ROBO2: variants seen among roughly 807,000 people sequenced by gnomAD.
ROBO2 encodes the protein roundabout guidance receptor 2.
ROBO2 carries 53 observed loss-of-function variants against 160.8 expected under a neutral mutation model. The observed-to-expected ratio is 0.33, with a 90% CI of 0.26 to 0.41. The LOEUF is 0.41. Among genes scored for constraint, ROBO2 ranks in the 10% least tolerant of loss-of-function variants. The pLI is 1.00. For missense variants in ROBO2, 1,577 were observed against 1,722.4 expected, an observed-to-expected ratio of 0.92 and a Z score of 1.49; for synonymous variants, 664 against 611.7, an observed-to-expected ratio of 1.09 and a Z score of -1.26.
intron 2 of ROBO2, among the ~76,000 whole-genome samples, chr3:77,427,512 G>A (rs943785606): frequency 6.6e-6 from 1 of 152,168 alleles, no homozygotes; most frequent in South Asian, 2.1e-4. Flanking sequence ...TATCGTAATT[G>A]TTATTTGTTG....
intron 2 of ROBO2, among the ~76,000 whole-genome samples, chr3:75,953,093 G>C (rs1214507732): frequency 6.6e-6 from 1 of 151,908 alleles, no homozygotes; most frequent in East Asian, 1.9e-4. Context: ...GAAGGTTTTT[G>C]TGTGCATGTA....
chr3:76,479,748 A>T (rs999659468), intron 2 of ROBO2, among the ~76,000 whole-genome samples: 9 of 152,166 alleles, frequency 5.9e-5, no homozygotes, highest in Admixed American at 2.0e-4. Flanking sequence ...CTACTTGCTG[A>T]GTGATGAAAC....
At chr3:75,915,876 A>G (rs1282331515) in intron 1 of ROBO2, among the ~76,000 whole-genome samples, 1 of 152,202 alleles carries the variant, frequency 6.6e-6, no homozygotes, top group African/African-American at 2.4e-5. Flanking sequence ...CACACACTAC[A>G]TTAAGAAAAT....
intron 2 of ROBO2, among the ~76,000 whole-genome samples, chr3:77,419,360 T>C (rs2077516798): frequency 6.6e-6 from 1 of 152,114 alleles, no homozygotes; most frequent in Non-Finnish European, 1.5e-5. Context: ...AGTACTAGCA[T>C]GCTCTAGGTA....
At chr3:76,002,582 G>A (rs1186495534) in intron 2 of ROBO2, among the ~76,000 whole-genome samples, 9 of 152,052 alleles carry the variant, frequency 5.9e-5, no homozygotes, top group Non-Finnish European at 8.8e-5. Flanking sequence ...CTTGCCTGCC[G>A]CCATGTGGAA....
At chr3:77,565,041 C>T (rs1308300421) in exon 12 of ROBO2, 2 of 1,613,688 alleles carry the variant, frequency 1.2e-6, no homozygotes, top group East Asian at 4.5e-5. Flanking sequence ...CCAATACAAT[C>T]TACTTATTCA....
intron 2 of ROBO2, among the ~76,000 whole-genome samples, chr3:76,376,730 G>A (rs894718562): frequency 7.2e-5 from 11 of 152,100 alleles, no homozygotes; most frequent in Admixed American, 4.6e-4. Context: ...AAGTTTTAAG[G>A]GGCCAGAGGA....
intron 2 of ROBO2, among the ~76,000 whole-genome samples, chr3:76,507,136 A>C (rs1324731827): frequency 6.6e-6 from 1 of 152,142 alleles, no homozygotes; most frequent in Non-Finnish European, 1.5e-5. Context: ...GTTACAATCA[A>C]CATAAATTAG....
chr3:75,912,563 C>G (rs1339939794), intron 1 of ROBO2, among the ~76,000 whole-genome samples: 2 of 152,120 alleles, frequency 1.3e-5, no homozygotes, highest in Non-Finnish European at 2.9e-5. Flanking sequence ...TGTCCCCAGA[C>G]TGGCTTAAAA....
chr3:76,924,310 C>T (rs1328684636), intron 2 of ROBO2, among the ~76,000 whole-genome samples: 1 of 152,100 alleles, frequency 6.6e-6, no homozygotes, highest in Non-Finnish European at 1.5e-5. Context: ...AACACGGGGG[C>T]GGCATTCTCA....
chr3:76,465,998 G>GGGGTGTGTGT lies in ROBO2; in HGVS notation c.109+528397_109+528398insGGTGTGTGTG, dbSNP rs143188456. 1.2e-4 allele frequency among the ~76,000 whole-genome samples: 17 copies of GGGGTGTGTGT among 147,672 alleles called. No homozygotes were observed. In the East Asian group the frequency reaches 1.6e-3, roughly 14 times the overall value. ...GTTAAAATATCCTGGATAAAATATGGGTGTGTGTGTGTGTGTGTGTGTGTG... is the reference window on the plus strand; with the variant it reads ...GTTAAAATATCCTGGATAAAATATGGGGGTGTGTGTGTGTGTGTGTGTGTGTGTGTGTGTG... On this transcript the variant is annotated intron_variant, in intron 2 of 26. Coordinates refer to the ROBO2 transcript ENST00000487694.
intron 15 of ROBO2, among the ~76,000 whole-genome samples, chr3:77,579,329 T>C (rs1342847173): frequency 6.6e-6 from 1 of 152,166 alleles, no homozygotes; most frequent in Non-Finnish European, 1.5e-5. Flanking sequence ...TGTGTGTAGA[T>C]ATGTGTTGAT....
chr3:76,940,539 T>A (rs1010376077), intron 2 of ROBO2, among the ~76,000 whole-genome samples: 17 of 152,358 alleles, frequency 1.1e-4, no homozygotes, highest in African/African-American at 3.8e-4. Context: ...GTATTCATTT[T>A]AAAATGCCCT....
chr3:77,295,277 G>A (rs1306889710), intron 2 of ROBO2, among the ~76,000 whole-genome samples: 2 of 149,784 alleles, frequency 1.3e-5, no homozygotes, highest in Non-Finnish European at 2.9e-5. Flanking sequence ...GTAAGCTGAG[G>A]CTAGATCACC....
At chr3:76,481,815 T>C (rs951101313) in intron 2 of ROBO2, among the ~76,000 whole-genome samples, 1 of 151,864 alleles carries the variant, frequency 6.6e-6, no homozygotes, top group Non-Finnish European at 1.5e-5. Flanking sequence ...GACTGGAGGG[T>C]TCAGGGGAAT....
rs78188990 is a variant in ROBO2 at position 77,191,882 on chromosome 3, A to G, written c.388+93542A>G. Among the ~76,000 whole-genome samples the G allele has an allele frequency of 3.2e-4, 48 of 152,318 alleles. 2 individuals carry two copies. The East Asian group carries it at 8.9e-3, about 28-fold the overall frequency. On this transcript the variant is annotated intron_variant, in intron 2 of 25. Coordinates refer to ENST00000461745, the Ensembl canonical transcript of ROBO2. Reference sequence around the variant, plus strand: ...AATTTTTCACGTTGACATGTCAAAGACTTGTAAAAGTATACTGGCGAGAGA... The same window carrying G: ...AATTTTTCACGTTGACATGTCAAAGGCTTGTAAAAGTATACTGGCGAGAGA...
intron 2 of ROBO2, among the ~76,000 whole-genome samples, chr3:76,954,318 A>T (rs575006776): frequency 8.8e-4 from 134 of 152,326 alleles, no homozygotes; most frequent in African/African-American, 3.2e-3. Context: ...GGATAGTGCT[A>T]TTGAAATAAC....
chr3:77,504,212 T>A (rs2088114100), intron 5 of ROBO2, among the ~76,000 whole-genome samples: 1 of 152,182 alleles, frequency 6.6e-6, no homozygotes, highest in African/African-American at 2.4e-5. Context: ...GTTATTCTTA[T>A]GAGCATGATG....
At chr3:77,272,137 T>C (rs538683735) in intron 2 of ROBO2, among the ~76,000 whole-genome samples, 1 of 152,188 alleles carries the variant, frequency 6.6e-6, no homozygotes, top group Non-Finnish European at 1.5e-5. Context: ...AGATGGGGAA[T>C]TACAGAAACT....
Sources: allele counts gnomAD v4.1 joint callset (sites outside exome capture counted in the v4.1 genomes callset), GRCh38; gene constraint gnomAD v4.1.1; transcripts MANE v1.5; gene names NCBI Gene and HGNC (gene_info 2026-07-23, HGNC 2026-07-21).